IGF2BP2: variants seen among roughly 807,000 people sequenced by gnomAD.
IGF2BP2 encodes insulin like growth factor 2 mRNA binding protein 2.
IGF2BP2 carries 17 observed loss-of-function variants against 75.8 expected under a neutral mutation model. That is an observed-to-expected ratio of 0.22 (90% CI 0.15 to 0.34). IGF2BP2 has a LOEUF of 0.34. IGF2BP2 is among the 10% of genes least tolerant of loss of function. IGF2BP2 has a pLI of 1.00. For synonymous variants in IGF2BP2, 288 were observed against 295.6 expected (o/e 0.97, Z 0.26); for missense variants, 516 against 772.4 (o/e 0.67, Z 3.93).
chr3:185,653,451 T>C (rs1293482810), intron 12 of IGF2BP2, among the ~76,000 whole-genome samples: 1 of 151,740 alleles, frequency 6.6e-6, no homozygotes, highest in Non-Finnish European at 1.5e-5. Context: ...TGAAATCCCA[T>C]CTCTACTAAA....
intron 4 of IGF2BP2, among the ~76,000 whole-genome samples, chr3:185,695,533 T>C (rs946535204): frequency 2.0e-5 from 3 of 152,172 alleles, no homozygotes; most frequent in African/African-American, 7.2e-5. Flanking sequence ...GTTTTCTAGG[T>C]CAAGGCAAAA....
At chr3:185,654,761 G>C (rs939603326) in intron 12 of IGF2BP2, among the ~76,000 whole-genome samples, 10 of 152,242 alleles carry the variant, frequency 6.6e-5, no homozygotes, top group Admixed American at 3.3e-4. Flanking sequence ...CAGGGCTGGA[G>C]TCAGGATCTG....
intron 2 of IGF2BP2, among the ~76,000 whole-genome samples, chr3:185,749,167 G>GAAAAAAGAA (rs919415239): frequency 2.7e-5 from 4 of 150,280 alleles, no homozygotes; most frequent in Non-Finnish European, 5.9e-5. Context: ...CCGTCTAAAA[G>GAAAAAAGAA]AAAAAAGAAA....
intron 2 of IGF2BP2, among the ~76,000 whole-genome samples, chr3:185,762,088 T>G (rs1355187033): frequency 6.6e-6 from 1 of 152,056 alleles, no homozygotes; most frequent in Admixed American, 6.6e-5. Flanking sequence ...GGTTTTAGCA[T>G]GTGAAAAAGA....
At chr3:185,772,565 T>C (rs1578253012) in intron 2 of IGF2BP2, among the ~76,000 whole-genome samples, 1 of 150,016 alleles carries the variant, frequency 6.7e-6, no homozygotes. Flanking sequence ...CTCCTTTTCT[T>C]CCCTTCTCTC....
intron 2 of IGF2BP2, among the ~76,000 whole-genome samples, chr3:185,710,152 ATTTTTTTT>A (rs567527407): frequency 2.0e-4 from 23 of 117,552 alleles, no homozygotes; most frequent in South Asian, 7.8e-4. Flanking sequence ...GTAGTTTTAG[ATTTTTTTT>A]TTTTTTTTTT....
chr3:185,668,707 TACA>T (rs1252671091), intron 10 of IGF2BP2, among the ~76,000 whole-genome samples: 2 of 151,766 alleles, frequency 1.3e-5, no homozygotes, highest in Non-Finnish European at 2.9e-5. Flanking sequence ...TGAAAATATT[TACA>T]ACATGACAAG....
intron 2 of IGF2BP2, among the ~76,000 whole-genome samples, chr3:185,789,214 C>T (rs371719070): frequency 8.5e-5 from 13 of 152,138 alleles, no homozygotes; most frequent in African/African-American, 3.1e-4. Flanking sequence ...GAGCTGAGTT[C>T]CATATGGACT....
intron 2 of IGF2BP2, among the ~76,000 whole-genome samples, chr3:185,788,627 G>A (rs1736199816): frequency 6.6e-6 from 1 of 151,872 alleles, no homozygotes; most frequent in South Asian, 2.1e-4. Flanking sequence ...GTGCTAGTCT[G>A]GGTTCCTGTG....
intron 10 of IGF2BP2, among the ~76,000 whole-genome samples, chr3:185,665,103 G>A (rs1235843161): frequency 6.6e-6 from 1 of 150,462 alleles, no homozygotes; most frequent in African/African-American, 2.5e-5. Context: ...AGTTCGAGAT[G>A]GCAGTGAGCT....
intron 2 of IGF2BP2, among the ~76,000 whole-genome samples, chr3:185,785,193 C>T (rs967664583): frequency 1.3e-5 from 2 of 150,244 alleles, no homozygotes; most frequent in Non-Finnish European, 3.0e-5. Context: ...CCCAGCTACT[C>T]GGGAGGTTGA....
intron 10 of IGF2BP2, among the ~76,000 whole-genome samples, chr3:185,664,962 TAAAGGCAAATTATTATA>T (rs1717057887): frequency 6.6e-6 from 1 of 150,596 alleles, no homozygotes; most frequent in Admixed American, 6.6e-5. Flanking sequence ...ATTCCAAGGG[TAAAGGCAAATTATTATA>T]AAAGGCAAAA....
chr3:185,782,874 C>A (rs1033538824), intron 2 of IGF2BP2, among the ~76,000 whole-genome samples: 1 of 152,158 alleles, frequency 6.6e-6, no homozygotes, highest in African/African-American at 2.4e-5. Flanking sequence ...GTAACACCCA[C>A]CTGAGATGTT....
rs1713177233 is a variant in IGF2BP2, at chr3:185,644,589, T to TGGC, written c.*941_*942insGCC. 1 of 40,052 alleles carries TGGC rather than the reference T, an allele frequency of 2.5e-5. No individual in the cohort carries two copies. The highest frequency in any genetic ancestry group is 4.7e-5 in the Non-Finnish European group (1 of 21,392). 2.5% of individuals were successfully genotyped at this position (40,052 alleles called of 1,614,324 possible). A position where few individuals can be genotyped will look rare whatever the true frequency, so the allele number is the denominator to read the frequency against. On this transcript the variant is annotated 3_prime_UTR_variant, in exon 16 of 16. Transcript: ENST00000382199. ...GTGATACTCAGAGCACTGCTTTGCC[T>TGGC]GGGGGGGGGGGGGTGCGTAGATACG...
chr3:185,664,890 T>C (rs755476271), intron 10 of IGF2BP2, among the ~76,000 whole-genome samples: 1 of 152,006 alleles, frequency 6.6e-6, no homozygotes. Context: ...AAGGAAAACA[T>C]TCTCCTGAGC....
At chr3:185,670,063 T>C (rs1339512955) in intron 10 of IGF2BP2, among the ~76,000 whole-genome samples, 1 of 152,248 alleles carries the variant, frequency 6.6e-6, no homozygotes, top group African/African-American at 2.4e-5. Context: ...TGTACTGGAT[T>C]AGAAGCTACT....
intron 9 of IGF2BP2, among the ~76,000 whole-genome samples, chr3:185,673,466 T>C (rs1387614777): frequency 1.3e-5 from 2 of 152,244 alleles, no homozygotes; most frequent in African/African-American, 4.8e-5. Context: ...ACTTTGTCTC[T>C]TTACTATTTA....
In IGF2BP2 at chr3:185,647,541, C is replaced by G. The variant is rs554387895; in HGVS notation, c.1594-403G>C. 6.6e-6 allele frequency among the ~76,000 whole-genome samples: 1 copy of G among 152,236 alleles called. No individual in the cohort carries two copies. The highest frequency in any genetic ancestry group is 2.4e-5 in the African/African-American group (1 of 41,544). On this transcript the variant is annotated intron_variant, in intron 14 of 15. Transcript: ENST00000382199. The surrounding 1 kb of genome is among the most constrained non-coding windows in gnomAD (Gnocchi z 4.9). ...CTGTCCTGGGTGCTGACCACGAGCC[C>G]AAACCTCCTCTTGGTTAACTTTCCC...
chr3:185,767,292 TCTC>T (rs1733217048), intron 2 of IGF2BP2, among the ~76,000 whole-genome samples: 1 of 152,036 alleles, frequency 6.6e-6, no homozygotes, highest in Non-Finnish European at 1.5e-5. Context: ...TGGATTCTGT[TCTC>T]CACAACGATG....
Sources: allele counts gnomAD v4.1 joint callset (sites outside exome capture counted in the v4.1 genomes callset), GRCh38; gene constraint gnomAD v4.1.1; non-coding constraint Gnocchi (gnomAD v3.1); transcripts MANE v1.5; gene names NCBI Gene and HGNC (gene_info 2026-07-23, HGNC 2026-07-21).